The following DCC variants were observed in gnomAD, a reference collection of about 807,000 sequenced individuals.
The protein encoded by DCC is netrin receptor DCC.
In DCC, 58 loss-of-function variants were observed where a neutral mutation model predicts 172.5. That is an observed-to-expected ratio of 0.34 (90% confidence interval 0.27 to 0.42). The LOEUF is 0.42. DCC is among the 10% of genes least tolerant of loss of function. The probability of loss-of-function intolerance (pLI) is 1.00; values close to 1 mark genes in which losing one functional copy is unlikely to be tolerated. For missense variants in DCC, 1,740 were observed against 1,791.0 expected (o/e 0.97, Z 0.51); for synonymous variants, 709 against 644.5 (o/e 1.10, Z -1.52).
intron 12 of DCC, among the ~76,000 whole-genome samples, chr18:53,292,155 C>T (rs2057013127): frequency 7.0e-6 from 1 of 142,788 alleles, no homozygotes; most frequent in Admixed American, 7.1e-5. Context: ...TATACTCTGA[C>T]ATTTGGGGAT....
chr18:53,361,212 C>T (rs1023079527), intron 15 of DCC, among the ~76,000 whole-genome samples: 22 of 152,076 alleles, frequency 1.4e-4, no homozygotes, highest in African/African-American at 4.6e-4. Context: ...CTTCAGGGAC[C>T]GTGCGGCCCT....
At chr18:52,622,537 G>A (rs1176104048) in intron 1 of DCC, among the ~76,000 whole-genome samples, 1 of 152,166 alleles carries the variant, frequency 6.6e-6, no homozygotes, top group Non-Finnish European at 1.5e-5. Flanking sequence ...GTTGGCACCA[G>A]CCCAGGGGTT....
chr18:52,510,297 C>T (rs2031388330), intron 1 of DCC, among the ~76,000 whole-genome samples: 1 of 152,130 alleles, frequency 6.6e-6, no homozygotes, highest in Non-Finnish European at 1.5e-5. Context: ...TAGCACTCTC[C>T]CAGTGGCTGG....
intron 7 of DCC, among the ~76,000 whole-genome samples, chr18:53,137,018 C>T (rs2043754123): frequency 6.6e-6 from 1 of 152,180 alleles, no homozygotes; most frequent in Non-Finnish European, 1.5e-5. Context: ...TTGATAATTT[C>T]TACTTACCTA....
chr18:53,051,218 A>G (rs1187763263), intron 5 of DCC, among the ~76,000 whole-genome samples: 1 of 152,090 alleles, frequency 6.6e-6, no homozygotes, highest in Non-Finnish European at 1.5e-5. Flanking sequence ...CAATGGAGAG[A>G]CATTGTGTCT....
chr18:52,596,519 A>G (rs2033913285), intron 1 of DCC, among the ~76,000 whole-genome samples: 1 of 152,164 alleles, frequency 6.6e-6, no homozygotes, highest in Non-Finnish European at 1.5e-5. Context: ...CCCCACATCT[A>G]CTAAATCAAG....
intron 2 of DCC, among the ~76,000 whole-genome samples, chr18:52,826,409 G>A (rs994847335): frequency 1.3e-5 from 2 of 152,102 alleles, no homozygotes; most frequent in African/African-American, 4.8e-5. Context: ...GTGATTAGCC[G>A]GCCATAGCTT....
At chr18:52,587,378 A>G (rs940359045) in intron 1 of DCC, among the ~76,000 whole-genome samples, 14 of 152,194 alleles carry the variant, frequency 9.2e-5, no homozygotes, top group African/African-American at 2.7e-4. Flanking sequence ...AGTGTTGTCC[A>G]CAGAACGGGT....
At chr18:53,111,954 G>GA (rs527915412) in intron 7 of DCC, among the ~76,000 whole-genome samples, 3 of 151,394 alleles carry the variant, frequency 2.0e-5, no homozygotes, top group Non-Finnish European at 4.4e-5. Context: ...TGTTAAGAGG[G>GA]AAAAAAAGAG....
intron 25 of DCC, among the ~76,000 whole-genome samples, chr18:53,483,886 G>T (rs944968949): frequency 3.3e-5 from 5 of 151,482 alleles, no homozygotes; most frequent in African/African-American, 1.2e-4. Context: ...TATGAATGTT[G>T]CTTATTGCAT....
At chr18:53,108,018 T>A (rs529276367) in intron 7 of DCC, among the ~76,000 whole-genome samples, 1 of 151,806 alleles carries the variant, frequency 6.6e-6, no homozygotes, top group Non-Finnish European at 1.5e-5. Flanking sequence ...CCGAGAAAAA[T>A]AAATTAACTT....
chr18:52,478,006 C>A (rs1395338177), intron 1 of DCC, among the ~76,000 whole-genome samples: 1 of 151,982 alleles, frequency 6.6e-6, no homozygotes, highest in African/African-American at 2.4e-5. Context: ...GATGAAGTCT[C>A]CCTTTGTTCC....
At position 53,290,063 on chromosome 18, in the gene DCC, C is replaced by T. The variant is rs73463061; in HGVS notation, c.1912-15515C>T. 3.7e-3 allele frequency among the ~76,000 whole-genome samples: 565 copies of T among 152,254 alleles called. 5 individuals carry two copies. Among genetic ancestry groups the T allele is most frequent in the African/African-American group, 0.013 (543 of 41,562 alleles). ...TTGCATGGTATGCTATTTGTGAAAG[C>T]ATTGTATATGACACTATTTTTAATC... is the stretch of plus-strand genomic sequence containing the variant. On this transcript the variant is annotated intron_variant, in intron 12 of 28. Transcript: ENST00000442544.
At chr18:53,146,779 A>G (rs2043922202) in intron 7 of DCC, among the ~76,000 whole-genome samples, 1 of 152,236 alleles carries the variant, frequency 6.6e-6, no homozygotes. Context: ...ACAAGGAATT[A>G]AACTTAAAAT....
chr18:52,816,906 G>C (rs2038310905), intron 2 of DCC: 1 of 152,062 alleles, frequency 6.6e-6, no homozygotes, highest in Non-Finnish European at 1.5e-5. Context: ...TTGCTTCTCA[G>C]TGTCAAATAT....
intron 1 of DCC, among the ~76,000 whole-genome samples, chr18:52,603,311 C>T (rs2034056120): frequency 6.6e-6 from 1 of 152,016 alleles, no homozygotes; most frequent in African/African-American, 2.4e-5. Context: ...TTGGCCCATT[C>T]TATTATTTAG....
At chr18:53,527,191 T>TAAC (rs1424744751) in intron 28 of DCC, among the ~76,000 whole-genome samples, 1 of 133,876 alleles carries the variant, frequency 7.5e-6, no homozygotes, top group African/African-American at 2.9e-5. Context: ...TAAGACTATA[T>TAAC]AACTCTTCTT....
chr18:52,482,046 A>G (rs1345354938), intron 1 of DCC, among the ~76,000 whole-genome samples: 2 of 152,088 alleles, frequency 1.3e-5, no homozygotes, highest in African/African-American at 4.8e-5. Context: ...TCGTTTTATC[A>G]AAGAGGAGGC....
At chr18:53,463,847 A>T (rs903560093) in intron 24 of DCC, among the ~76,000 whole-genome samples, 14 of 152,242 alleles carry the variant, frequency 9.2e-5, no homozygotes, top group Non-Finnish European at 1.9e-4. Context: ...AAAACCAGAA[A>T]TTAGTTTACA....
Sources: gnomAD v4.1 joint callset for allele counts (sites outside exome capture counted in the v4.1 genomes callset) on GRCh38, gnomAD v4.1.1 for gene constraint, MANE v1.5 for transcripts, NCBI Gene and HGNC (gene_info 2026-07-23, HGNC 2026-07-21) for gene names.